ZNF736: variants seen among roughly 807,000 people sequenced by gnomAD.
ZNF736 encodes zinc finger protein 736.
In ZNF736, 6 loss-of-function variants were observed where a neutral mutation model predicts 11.7. The observed-to-expected ratio is 0.51, with a 90% CI of 0.28 to 1.01. The LOEUF (loss-of-function observed/expected upper bound fraction) is 1.01. Ranked by LOEUF, ZNF736 falls within the 50% of genes least tolerant of loss-of-function variation. ZNF736 has a pLI of 0.09. For synonymous variants in ZNF736, 139 were observed against 164.7 expected, an observed-to-expected ratio of 0.84 and a Z score of 1.19; for missense variants, 444 against 496.0, an observed-to-expected ratio of 0.90 and a Z score of 1.00.
intron 1 of ZNF736, among the ~76,000 whole-genome samples, chr7:64,331,604 G>C (rs1464443759): frequency 6.6e-6 from 1 of 152,188 alleles, no homozygotes; most frequent in Non-Finnish European, 1.5e-5. Context: ...GGGGATGATT[G>C]CTGGAGGGTG....
Position 64,355,869 on chromosome 7 carries a change from C to A in ZNF736, c.*6722C>A. 1 of 182,414 alleles carries A rather than the reference C, an allele frequency of 5.5e-6. No individual in the cohort carries two copies. The highest frequency in any genetic ancestry group is 1.2e-4 in the South Asian group (1 of 8,092). 11.3% of individuals were successfully genotyped at this position (182,414 alleles called of 1,614,324 possible). On this transcript the variant is annotated 3_prime_UTR_variant, in exon 4 of 4. Coordinates refer to ENST00000423484, the MANE Select transcript of ZNF736 (RefSeq NM_001170905.3). Reference sequence around the variant, plus strand: ...CTGGAAGGTAGAGGTGGGAAACAAGCCTAAATGAAAATTAGGTGTGTGTCA... The same window carrying A: ...CTGGAAGGTAGAGGTGGGAAACAAGACTAAATGAAAATTAGGTGTGTGTCA...
intron 1 of ZNF736, among the ~76,000 whole-genome samples, chr7:64,314,604 C>T (rs1429145965): frequency 6.6e-6 from 1 of 152,140 alleles, no homozygotes; most frequent in African/African-American, 2.4e-5. Context: ...GACAGTGTCT[C>T]ACTCTGTTGC....
intron 3 of ZNF736, among the ~76,000 whole-genome samples, chr7:64,345,717 A>G (rs1157623095): frequency 1.5e-5 from 2 of 132,976 alleles, no homozygotes; most frequent in Non-Finnish European, 3.1e-5. Context: ...CTGGTGACAG[A>G]GCAATACTCC....
chr7:64,329,131 G>A (rs1422955504), intron 1 of ZNF736, among the ~76,000 whole-genome samples: 1 of 151,342 alleles, frequency 6.6e-6, no homozygotes, highest in African/African-American at 2.4e-5. Flanking sequence ...CAATTTTATT[G>A]GATCCAGATT....
rs618757 is a variant in ZNF736 at position 64,356,472 on chromosome 7, A to T, written c.*7325A>T. 0.91 allele frequency among the ~76,000 whole-genome samples: 139,097 copies of T among 152,070 alleles called. 63,724 individuals carry two copies. Among genetic ancestry groups the T allele is most frequent in the Non-Finnish European group, 0.94 (63,916 of 67,978 alleles). On this transcript the variant is annotated 3_prime_UTR_variant, in exon 4 of 4. Transcript: ENST00000423484. ...AAATGTTTTTAAGTTGCCTATTTTT[A>T]AAAAAATCTATCAATTTTGAATTGC... is the stretch of plus-strand genomic sequence containing the variant.
chr7:64,351,203 C>A lies in ZNF736; in HGVS notation c.*2056C>A, dbSNP rs2115982379. Reference sequence around the variant, plus strand: ...TCTCTGCACAGTGTTAGCACAAAGGCAGGGGTGGAGTTTTCTGGCTCTCTG... The same window carrying A: ...TCTCTGCACAGTGTTAGCACAAAGGAAGGGGTGGAGTTTTCTGGCTCTCTG... On this transcript the variant is annotated 3_prime_UTR_variant, in exon 4 of 4. Coordinates refer to ENST00000423484, the MANE Select transcript of ZNF736 (RefSeq NM_001170905.3). 6.6e-6 allele frequency: 1 copy of A among 152,308 alleles called. No individual in the cohort carries two copies. The highest frequency in any genetic ancestry group is 2.1e-4 in the South Asian group (1 of 4,814). The allele number at this position is 152,308 out of a possible 1,614,324, so 9.4% of individuals were successfully genotyped here.
rs917004936 is a variant in ZNF736, at chr7:64,352,905, C to T, written c.*3758C>T. On this transcript the variant is annotated 3_prime_UTR_variant, in exon 4 of 4. Transcript: ENST00000423484. ...GAATCTAAGCCAGTAGGTCTTACCACGTGAGGCATTGTTGAAGTGGGTCCT... is the reference window on the plus strand; with the variant it reads ...GAATCTAAGCCAGTAGGTCTTACCATGTGAGGCATTGTTGAAGTGGGTCCT... 15 of 152,326 alleles carry T rather than the reference C, an allele frequency of 9.8e-5. No homozygotes were observed. The highest frequency in any genetic ancestry group is 2.9e-4 in the African/African-American group (12 of 41,460). The allele number at this position is 152,326 out of a possible 1,614,324, so 9.4% of individuals were successfully genotyped here. A position where few individuals can be genotyped will look rare whatever the true frequency, so the allele number is the denominator to read the frequency against.
Position 64,348,513 on chromosome 7 carries a change from C to G in ZNF736, c.650C>G (p.Thr217Ser), listed in dbSNP as rs1271107494. The G allele has an allele frequency of 3.8e-6, 6 of 1,573,378 alleles. No homozygotes were observed. The South Asian group carries it at 4.6e-5, about 12-fold the overall frequency. Residue 217 changes from threonine to serine, a missense_variant, in exon 4 of 4, where the codon ACT (threonine) becomes AGT (serine). Transcript: ENST00000423484. The stretch of plus-strand genomic sequence containing the variant: ...GCGTTTAAAAAGTTTTCAAACCTTA[C>G]TGAACATAAGAGAGTTCATACTGGA... ...GKAFKKFSNL[T>S]EHKRVHTGEK...
chr7:64,328,109 A>C (rs1014930817), intron 1 of ZNF736, among the ~76,000 whole-genome samples: 1 of 151,890 alleles, frequency 6.6e-6, no homozygotes, highest in African/African-American at 2.4e-5. Context: ...TGTCCTTCAT[A>C]TTACCAGTGA....
chr7:64,338,659 A>T (rs533399378), intron 3 of ZNF736, among the ~76,000 whole-genome samples: 1 of 151,738 alleles, frequency 6.6e-6, no homozygotes. Flanking sequence ...ATGTTGTAGA[A>T]TGTCAGGGTT....
chr7:64,314,007 T>C lies in ZNF736; in HGVS notation c.-144T>C. 2 of 1,157,484 alleles carry C rather than the reference T, an allele frequency of 1.7e-6. No homozygotes were observed. Among genetic ancestry groups the C allele is most frequent in the Admixed American group, 2.0e-5 (1 of 48,816 alleles). The allele number at this position is 1,157,484 out of a possible 1,614,324, so 71.7% of individuals were successfully genotyped here. A position where few individuals can be genotyped will look rare whatever the true frequency, so the allele number is the denominator to read the frequency against. ...GGCCTTTGTCTCCTAGCTTCCGGGCTCTGATCCTAGTTCGCGTCTCCACTG... is the reference window on the plus strand; with the variant it reads ...GGCCTTTGTCTCCTAGCTTCCGGGCCCTGATCCTAGTTCGCGTCTCCACTG... On this transcript the variant is annotated 5_prime_UTR_variant, in exon 1 of 4. Transcript: ENST00000423484.
chr7:64,340,601 C>T (rs1789323723), intron 3 of ZNF736, among the ~76,000 whole-genome samples: 2 of 152,106 alleles, frequency 1.3e-5, no homozygotes, highest in South Asian at 4.2e-4. Flanking sequence ...GAGAAGGAGT[C>T]TCACTATATC....
intron 1 of ZNF736, among the ~76,000 whole-genome samples, chr7:64,332,211 T>C (rs1389740055): frequency 6.6e-6 from 1 of 152,188 alleles, no homozygotes; most frequent in Non-Finnish European, 1.5e-5. Flanking sequence ...TTTACTTCTC[T>C]ACTGTCGGGG....
chr7:64,355,164 C>T lies in ZNF736; in HGVS notation c.*6017C>T, dbSNP rs573299202. On this transcript the variant is annotated 3_prime_UTR_variant, in exon 4 of 4. Coordinates refer to ENST00000423484, the MANE Select transcript of ZNF736 (RefSeq NM_001170905.3). The stretch of plus-strand genomic sequence containing the variant: ...GTAAAATTTTCAGATTATGTTTCTA[C>T]ATTTAAACATCTACTGGGGGAGGCA... 18 of 160,710 alleles carry T rather than the reference C, an allele frequency of 1.1e-4. No individual in the cohort carries two copies. In the South Asian group the frequency reaches 2.6e-3, roughly 23 times the overall value. The allele number at this position is 160,710 out of a possible 1,614,324, so 10.0% of individuals were successfully genotyped here. A position where few individuals can be genotyped will look rare whatever the true frequency, so the allele number is the denominator to read the frequency against.
In ZNF736 at chr7:64,319,488, C is replaced by CTTTTTTTTTTTTTTTTTTTTTTTTTTTT. The variant is rs1408764142; in HGVS notation, c.3+5335_3+5336insTTTTTTTTTTTTTTTTTTTTTTTTTTTT. Among the ~76,000 whole-genome samples, 2 of 75,248 alleles carry CTTTTTTTTTTTTTTTTTTTTTTTTTTTT rather than the reference C, an allele frequency of 2.7e-5. 1 individual carries two copies. Among genetic ancestry groups the CTTTTTTTTTTTTTTTTTTTTTTTTTTTT allele is most frequent in the Non-Finnish European group, 4.8e-5 (2 of 41,256 alleles). 49.4% of individuals were successfully genotyped at this position (75,248 alleles called of 152,430 possible). On this transcript the variant is annotated intron_variant, in intron 1 of 3. Coordinates refer to ENST00000423484, the MANE Select transcript of ZNF736 (RefSeq NM_001170905.3). ...CCAGGTAAATAGAAAACATTTCTTC[C>CTTTTTTTTTTTTTTTTTTTTTTTTTTTT]CTTTTTTTTTTTTTTTTTTTTTTTT...
rs1376746135 is a variant in ZNF736, at chr7:64,351,471, TGCTCTGGTATGA to T, written c.*2328_*2339del. On this transcript the variant is annotated 3_prime_UTR_variant, in exon 4 of 4. Transcript: ENST00000423484. ...GTCAGGCATGTCCCTCCAGTGCAGATGCTCTGGTATGAGCTTCCAGGGTACCTGAGACTGCCC... is the reference window on the plus strand; with the variant it reads ...GTCAGGCATGTCCCTCCAGTGCAGATGCTTCCAGGGTACCTGAGACTGCCC... 2 of 152,318 alleles carry T rather than the reference TGCTCTGGTATGA, an allele frequency of 1.3e-5. No homozygotes were observed. The highest frequency in any genetic ancestry group is 3.9e-4 in the East Asian group (2 of 5,170). 9.4% of individuals were successfully genotyped at this position (152,318 alleles called of 1,614,324 possible).
chr7:64,315,210 T>C (rs530863378), intron 1 of ZNF736, among the ~76,000 whole-genome samples: 20 of 152,318 alleles, frequency 1.3e-4, no homozygotes, highest in African/African-American at 4.6e-4. Flanking sequence ...CATGAGCCAA[T>C]TAATCCTCTT....
rs1466631977 is a variant in ZNF736, at chr7:64,328,248, G to GT, written c.4-8006dup. On this transcript the variant is annotated intron_variant, in intron 1 of 3. Coordinates refer to ENST00000423484, the MANE Select transcript of ZNF736 (RefSeq NM_001170905.3). ...AAATCTCTCAGCTTGTTTGTCAGTT[G>GT]TTTTTGTTTTTTTTTTTATGGTAGA... is the stretch of plus-strand genomic sequence containing the variant. 5.6e-4 allele frequency among the ~76,000 whole-genome samples: 15 copies of GT among 26,880 alleles called. No individual in the cohort carries two copies. In the East Asian group the frequency reaches 9.8e-3, roughly 18 times the overall value. 17.6% of individuals were successfully genotyped at this position (26,880 alleles called of 152,430 possible). A position where few individuals can be genotyped will look rare whatever the true frequency, so the allele number is the denominator to read the frequency against.
intron 3 of ZNF736, among the ~76,000 whole-genome samples, chr7:64,347,596 CTT>C (rs1045154557): frequency 1.3e-5 from 2 of 152,164 alleles, no homozygotes; most frequent in Non-Finnish European, 2.9e-5. Flanking sequence ...ATACTGAAGT[CTT>C]TCTTCTCTTG....
Sources: gnomAD v4.1 joint callset for allele counts (sites outside exome capture counted in the v4.1 genomes callset) on GRCh38, gnomAD v4.1.1 for gene constraint, MANE v1.5 for transcripts, NCBI Gene and HGNC (gene_info 2026-07-23, HGNC 2026-07-21) for gene names.